Variants in RANBP10 observed in about 807,000 individuals in gnomAD.
The protein encoded by RANBP10 is RAN binding protein 10, also known as ran-binding protein 10.
RANBP10 carries 24 observed loss-of-function variants against 72.8 expected under a neutral mutation model. That is an observed-to-expected ratio of 0.33 (90% CI 0.24 to 0.46). The LOEUF (loss-of-function observed/expected upper bound fraction) is 0.46, where lower values mean the gene tolerates loss of function less well. Ranked by LOEUF, RANBP10 falls within the 20% of genes least tolerant of loss-of-function variation. The pLI, the probability that RANBP10 is intolerant of heterozygous loss-of-function variation, is 1.00. For synonymous variants in RANBP10, 310 were observed against 322.3 expected, an observed-to-expected ratio of 0.96 and a Z score of 0.41; for missense variants, 679 against 817.5, an observed-to-expected ratio of 0.83 and a Z score of 2.07.
intron 13 of RANBP10, among the ~76,000 whole-genome samples, chr16:67,726,949 GGGGGTT>G (rs2143000264): frequency 6.6e-6 from 1 of 152,304 alleles, no homozygotes; most frequent in East Asian, 1.9e-4. Flanking sequence ...CAATTGGGGT[GGGGGTT>G]GGGAACCACC....
At chr16:67,793,589 G>A (rs1284375045) in intron 2 of RANBP10, among the ~76,000 whole-genome samples, 1 of 152,072 alleles carries the variant, frequency 6.6e-6, no homozygotes, top group Non-Finnish European at 1.5e-5. Context: ...TGGGATTACA[G>A]GCGTGAGCCA....
chr16:67,732,782 T>C (rs1478060305), intron 6 of RANBP10, among the ~76,000 whole-genome samples: 1 of 151,940 alleles, frequency 6.6e-6, no homozygotes, highest in Non-Finnish European at 1.5e-5. Flanking sequence ...GCGTGGTGGC[T>C]CATGCCTGTA....
rs775066644 is a variant in RANBP10, at chr16:67,727,867, C to T, written c.1504G>A (p.Gly502Arg). The T allele has an allele frequency of 1.2e-5, 20 of 1,613,932 alleles. No homozygotes were observed. The East Asian group carries it at 1.6e-4, about 13-fold the overall frequency. ...DDRHPRRQLC[G>R]GNQAATERII... ...CTTTCTGTGGCAGCCTGGTTGCCCC[C>T]GCAGAGCTGCCGCCGAGGATGCCTG... Residue 502 changes from glycine to arginine, a missense_variant, in exon 12 of 14, where the codon GGG becomes AGG. Gly to Arg is a moderately radical substitution (Grantham distance 125, BLOSUM62 -2). Coordinates refer to ENST00000317506, the MANE Select transcript of RANBP10 (RefSeq NM_020850.3).
chr16:67,804,292 T>G (rs2055292172), intron 2 of RANBP10, among the ~76,000 whole-genome samples: 1 of 151,636 alleles, frequency 6.6e-6, no homozygotes, highest in Non-Finnish European at 1.5e-5. Context: ...TCACAATCAC[T>G]GGGAAAAAAA....
chr16:67,756,777 T>C (rs1369349531), intron 3 of RANBP10, among the ~76,000 whole-genome samples: 3 of 152,168 alleles, frequency 2.0e-5, no homozygotes, highest in Non-Finnish European at 4.4e-5. Context: ...GCCAGTCATC[T>C]CTTCCCAACA....
chr16:67,772,944 T>C (rs2054634693), intron 2 of RANBP10, among the ~76,000 whole-genome samples: 1 of 152,142 alleles, frequency 6.6e-6, no homozygotes, highest in African/African-American at 2.4e-5. Flanking sequence ...ACTTGGGACT[T>C]TTTAAGTTAA....
Position 67,730,707 on chromosome 16 carries a change from C to T in RANBP10, c.890-661G>A, listed in dbSNP as rs886915031. Among the ~76,000 whole-genome samples the T allele has an allele frequency of 1.4e-4, 21 of 152,150 alleles. No individual in the cohort carries two copies. The highest frequency in any genetic ancestry group is 9.2e-4 in the Admixed American group (14 of 15,280). ...ATTCATAGATCCCAAGTCTGGGATCCCTTTCCGTCTGTCTGGCTGAGCACA... is the reference window on the plus strand; with the variant it reads ...ATTCATAGATCCCAAGTCTGGGATCTCTTTCCGTCTGTCTGGCTGAGCACA... On this transcript the variant is annotated intron_variant, in intron 7 of 13. Transcript: ENST00000317506. The surrounding 1 kb of genome is among the most constrained non-coding windows in gnomAD (Gnocchi z 4.3).
chr16:67,797,302 C>T (rs1041867386), intron 2 of RANBP10, among the ~76,000 whole-genome samples: 2 of 152,228 alleles, frequency 1.3e-5, no homozygotes, highest in East Asian at 1.9e-4. Flanking sequence ...AAGAAGGCAA[C>T]GACGCTCCCC....
At chr16:67,731,172 GGGAAGGAAACAAGCA>G in intron 7 of RANBP10, 1 of 340,230 alleles carries the variant, frequency 2.9e-6, no homozygotes, top group Non-Finnish European at 5.6e-6. Flanking sequence ...AGGATTCAGG[GGGAAGGAAACAAGCA>G]GGGAGGAAAT....
chr16:67,776,452 A>G (rs1229125164), intron 2 of RANBP10, among the ~76,000 whole-genome samples: 2 of 115,920 alleles, frequency 1.7e-5, no homozygotes, highest in African/African-American at 7.4e-5. Context: ...ACAGACACGG[A>G]CTCCATCTCA....
chr16:67,738,097 C>A, intron 4 of RANBP10, 62 bp from the exon 5 acceptor site: 1 of 1,494,954 alleles, frequency 6.7e-7, no homozygotes, highest in Non-Finnish European at 9.0e-7. Flanking sequence ...CTCTGCACCC[C>A]ATGGTGGAGC....
chr16:67,755,393 G>A (rs925536630), intron 3 of RANBP10, among the ~76,000 whole-genome samples: 4 of 152,142 alleles, frequency 2.6e-5, no homozygotes, highest in Non-Finnish European at 4.4e-5. Flanking sequence ...GGCCAGAAAA[G>A]AACAAGTGGG....
At chr16:67,748,148 C>T (rs571427741) in intron 3 of RANBP10, among the ~76,000 whole-genome samples, 1 of 151,776 alleles carries the variant, frequency 6.6e-6, no homozygotes, top group East Asian at 2.0e-4. Context: ...TAATGCCTTT[C>T]GAAGGTGGGC....
At chr16:67,756,783 C>T (rs2054293456) in intron 3 of RANBP10, among the ~76,000 whole-genome samples, 1 of 152,198 alleles carries the variant, frequency 6.6e-6, no homozygotes, top group African/African-American at 2.4e-5. Context: ...CATCTCTTCC[C>T]AACAAATGGG....
rs369126694 is a variant in RANBP10, at chr16:67,726,231, GGA to G, written c.*195_*196del. ...TGTTACAGGCCGCTGCACGTGAAGG[GGA>G]GAGAGAGAGAGACTGAGCGGGGTGG... On this transcript the variant is annotated 3_prime_UTR_variant, in exon 14 of 14. Transcript: ENST00000317506. 4.6e-3 allele frequency: 3,147 copies of G among 681,120 alleles called. No individual in the cohort carries two copies. The highest frequency in any genetic ancestry group is 6.2e-3 in the East Asian group (197 of 31,806). 42.2% of individuals were successfully genotyped at this position (681,120 alleles called of 1,614,324 possible).
At chr16:67,781,879 G>A (rs2054819618) in intron 2 of RANBP10, among the ~76,000 whole-genome samples, 1 of 152,196 alleles carries the variant, frequency 6.6e-6, no homozygotes, top group Admixed American at 6.5e-5. Context: ...GAAGCAGGCA[G>A]CAAAGGCCCA....
At chr16:67,805,127 A>G (rs890575008) in intron 2 of RANBP10, among the ~76,000 whole-genome samples, 11 of 152,214 alleles carry the variant, frequency 7.2e-5, no homozygotes, top group Admixed American at 1.3e-4. Context: ...CATGCTCATG[A>G]GGGAAACTCC....
At chr16:67,785,682 C>T (rs1311161544) in intron 2 of RANBP10, among the ~76,000 whole-genome samples, 2 of 145,592 alleles carry the variant, frequency 1.4e-5, no homozygotes, top group Middle Eastern at 3.8e-3. Context: ...GAGCTGAGAT[C>T]ACACCACTGC....
At chr16:67,765,403 G>T (rs560552980) in intron 3 of RANBP10, among the ~76,000 whole-genome samples, 1 of 152,070 alleles carries the variant, frequency 6.6e-6, no homozygotes, top group East Asian at 1.9e-4. Flanking sequence ...GTGCGTGCTT[G>T]TAATCCCAGC....
Sources: gnomAD v4.1 joint callset for allele counts (sites outside exome capture counted in the v4.1 genomes callset) on GRCh38, gnomAD v4.1.1 for gene constraint, Gnocchi (gnomAD v3.1) non-coding constraint, MANE v1.5 for transcripts, NCBI Gene and HGNC (gene_info 2026-07-23, HGNC 2026-07-21) for gene names.